Variants in AFG1L observed in about 807,000 individuals in gnomAD.
AFG1L encodes the protein AFG1 like ATPase.
Under a neutral mutation model 62.2 loss-of-function variants are expected in AFG1L, and 53 were observed. The observed-to-expected ratio is 0.85, with a 90% confidence interval of 0.68 to 1.07. The LOEUF (loss-of-function observed/expected upper bound fraction) is 1.07. Ranked by LOEUF, AFG1L falls within the 50% of genes least tolerant of loss-of-function variation. The probability of loss-of-function intolerance (pLI) is 0.00; values close to 1 mark genes in which losing one functional copy is unlikely to be tolerated. For missense variants in AFG1L, 555 were observed against 590.5 expected (o/e 0.94, Z 0.62); for synonymous variants, 228 against 210.3 (o/e 1.08, Z -0.73).
rs1199073851 is a variant in AFG1L at position 108,447,252 on chromosome 6, T to C, written c.846T>C (p.Asp282=). 3 of 1,609,492 alleles carry C rather than the reference T, an allele frequency of 1.9e-6. No homozygotes were observed. The highest frequency in any genetic ancestry group is 2.6e-6 in the Non-Finnish European group (3 of 1,176,168). The change falls in exon 8 of 13, where the codon GAT becomes GAC. Residue 282 remains aspartate (D), a synonymous_variant. Transcript: ENST00000368977. The stretch of plus-strand genomic sequence containing the variant: ...CAGTCCAGCTAGATTCTGGGATAGA[T>C]TACCGGAAAAGGGAACTTCCTGCTG... ...CNTVQLDSGI[D]YRKRELPAAG...
intron 7 of AFG1L, among the ~76,000 whole-genome samples, 198 bp from the exon 8 acceptor site, chr6:108,447,016 T>C (rs1771835288): frequency 6.6e-6 from 1 of 152,246 alleles, no homozygotes; most frequent in Non-Finnish European, 1.5e-5. Flanking sequence ...TAAACTGATA[T>C]TTCAGTGGCT....
intron 10 of AFG1L, among the ~76,000 whole-genome samples, chr6:108,490,251 T>C (rs1162755956): frequency 6.6e-6 from 1 of 152,106 alleles, no homozygotes; most frequent in Non-Finnish European, 1.5e-5. Flanking sequence ...TCACAGCTAC[T>C]CGGGAGGCTG....
intron 10 of AFG1L, among the ~76,000 whole-genome samples, chr6:108,502,069 C>T (rs933377833): frequency 6.6e-6 from 1 of 152,138 alleles, no homozygotes; most frequent in Non-Finnish European, 1.5e-5. Flanking sequence ...CTCTGTTGCC[C>T]AGGTTGGAGT....
intron 8 of AFG1L, among the ~76,000 whole-genome samples, chr6:108,453,966 T>C (rs1772157131): frequency 1.3e-5 from 2 of 152,222 alleles, no homozygotes; most frequent in Admixed American, 6.5e-5. Context: ...TGAAAATGCT[T>C]AAGTCCGGCC....
intron 6 of AFG1L, among the ~76,000 whole-genome samples, chr6:108,380,786 G>A (rs761669605): frequency 5.3e-5 from 8 of 152,074 alleles, no homozygotes; most frequent in Admixed American, 2.0e-4. Flanking sequence ...GTTAACTCTC[G>A]GGCTTGGGAG....
intron 7 of AFG1L, among the ~76,000 whole-genome samples, chr6:108,422,904 G>A (rs1283586300): frequency 1.3e-5 from 2 of 151,830 alleles, no homozygotes; most frequent in Non-Finnish European, 2.9e-5. Context: ...AGATGCTTTT[G>A]GCTACTTAAC....
chr6:108,492,519 C>A (rs556226653), intron 10 of AFG1L, among the ~76,000 whole-genome samples: 93 of 152,278 alleles, frequency 6.1e-4, no homozygotes, highest in Admixed American at 2.9e-3. Context: ...TGGCCACATT[C>A]ACTTATTATG....
At chr6:108,300,280 C>G (rs1220091273) in intron 1 of AFG1L, among the ~76,000 whole-genome samples, 2 of 152,032 alleles carry the variant, frequency 1.3e-5, no homozygotes, top group African/African-American at 4.8e-5. Context: ...TCCTAAGTAG[C>G]TGAGACTACA....
intron 10 of AFG1L, among the ~76,000 whole-genome samples, chr6:108,490,902 T>TA (rs992927259): frequency 1.3e-4 from 20 of 152,348 alleles, no homozygotes; most frequent in African/African-American, 4.8e-4. Flanking sequence ...ACTTGGTAAC[T>TA]AACAAAATCA....
chr6:108,517,909 A>G (rs528223221), intron 11 of AFG1L, among the ~76,000 whole-genome samples: 1 of 152,372 alleles, frequency 6.6e-6, no homozygotes, highest in Admixed American at 6.5e-5. Flanking sequence ...AAAAATGCTC[A>G]TCATCACTGG....
chr6:108,325,968 G>A (rs1377040964), intron 2 of AFG1L, among the ~76,000 whole-genome samples: 1 of 151,844 alleles, frequency 6.6e-6, no homozygotes, highest in Non-Finnish European at 1.5e-5. Context: ...GTAGAGATGG[G>A]GTTTTGCCAT....
At chr6:108,465,781 A>G (rs764056402) in intron 8 of AFG1L, among the ~76,000 whole-genome samples, 8 of 151,972 alleles carry the variant, frequency 5.3e-5, no homozygotes, top group Non-Finnish European at 1.0e-4. Context: ...TATCATGACA[A>G]TTGAGAAAAT....
intron 8 of AFG1L, among the ~76,000 whole-genome samples, chr6:108,455,977 A>G (rs759610086): frequency 2.0e-5 from 3 of 152,110 alleles, no homozygotes; most frequent in East Asian, 1.9e-4. Flanking sequence ...CAAGTCTCCT[A>G]TATTCTTACT....
chr6:108,327,469 AT>A (rs985559069), intron 2 of AFG1L, among the ~76,000 whole-genome samples: 9 of 152,200 alleles, frequency 5.9e-5, no homozygotes, highest in Admixed American at 1.3e-4. Context: ...GTGCTGGCAA[AT>A]TCAGTGTCTG....
At chr6:108,405,491 C>T (rs1253644619) in intron 7 of AFG1L, among the ~76,000 whole-genome samples, 3 of 152,070 alleles carry the variant, frequency 2.0e-5, no homozygotes, top group African/African-American at 4.8e-5. Flanking sequence ...GGACTATAGG[C>T]GTATTCCACC....
chr6:108,472,022 G>T (rs757857490), intron 8 of AFG1L, among the ~76,000 whole-genome samples: 1 of 152,152 alleles, frequency 6.6e-6, no homozygotes, highest in Non-Finnish European at 1.5e-5. Flanking sequence ...TAAAAAAGGA[G>T]ATCCTGCAAT....
intron 7 of AFG1L, among the ~76,000 whole-genome samples, chr6:108,410,573 AT>A (rs1276076264): frequency 6.6e-6 from 1 of 152,132 alleles, no homozygotes; most frequent in Non-Finnish European, 1.5e-5. Flanking sequence ...ATAATTTAGG[AT>A]TTATAGTCCT....
intron 10 of AFG1L, among the ~76,000 whole-genome samples, chr6:108,478,309 C>T (rs1047464714): frequency 6.6e-6 from 1 of 151,908 alleles, no homozygotes; most frequent in Non-Finnish European, 1.5e-5. Flanking sequence ...TTGTGGCGGG[C>T]GCCTGTAGTC....
chr6:108,296,096 A>G (rs1225316327), intron 1 of AFG1L, among the ~76,000 whole-genome samples: 1 of 152,206 alleles, frequency 6.6e-6, no homozygotes, highest in African/African-American at 2.4e-5. Context: ...TAGATTATTT[A>G]TTAATTTAGC....
Sources: allele counts gnomAD v4.1 joint callset (sites outside exome capture counted in the v4.1 genomes callset), GRCh38; gene constraint gnomAD v4.1.1; transcripts MANE v1.5; gene names NCBI Gene and HGNC (gene_info 2026-07-23, HGNC 2026-07-21).